The following USP15 variants were observed in gnomAD, a reference collection of about 807,000 sequenced individuals.
USP15 encodes the protein ubiquitin carboxyl-terminal hydrolase 15.
Under a neutral mutation model 127.1 loss-of-function variants are expected in USP15, and 18 were observed. The observed-to-expected ratio is 0.14, with a 90% CI of 0.10 to 0.21. The LOEUF (loss-of-function observed/expected upper bound fraction) is 0.21. USP15 is among the 10% of genes least tolerant of loss of function. The pLI is 1.00. For missense variants in USP15, 805 were observed against 1,159.9 expected (o/e 0.69, Z 4.44); for synonymous variants, 364 against 393.7 (o/e 0.92, Z 0.89).
rs943557237 is a variant in USP15 at position 62,408,791 on chromosome 12, AAT to A, written c.*4423_*4424del. 18 of 152,074 alleles carry A rather than the reference AAT, an allele frequency of 1.2e-4. No individual in the cohort carries two copies. Among genetic ancestry groups the A allele is most frequent in the Non-Finnish European group, 2.6e-4 (18 of 67,998 alleles). The allele number at this position is 152,074 out of a possible 1,614,324, so 9.4% of individuals were successfully genotyped here. A position where few individuals can be genotyped will look rare whatever the true frequency, so the allele number is the denominator to read the frequency against. ...TTTATTATCAGATTTTCTAGTGAGA[AAT>A]ATATATGATGGTTTTTTAATAATCA... On this transcript the variant is annotated 3_prime_UTR_variant, in exon 22 of 22. Coordinates refer to ENST00000280377, the MANE Select transcript of USP15 (RefSeq NM_001252078.2).
At position 62,412,057 on chromosome 12, in the gene USP15, A is replaced by G. The variant is rs920086262; in HGVS notation, c.*7682A>G. On this transcript the variant is annotated 3_prime_UTR_variant, in exon 22 of 22. Coordinates refer to ENST00000280377, the MANE Select transcript of USP15 (RefSeq NM_001252078.2). ...CTGTGGGTACAGGCATGCCTCAGAT[A>G]TTGCAGGTTCGGTTCCCAGCCACCA... is the stretch of plus-strand genomic sequence containing the variant. 3.3e-5 allele frequency: 5 copies of G among 152,186 alleles called. No individual in the cohort carries two copies. Among genetic ancestry groups the G allele is most frequent in the Admixed American group, 6.6e-5 (1 of 15,260 alleles). The allele number at this position is 152,186 out of a possible 1,614,324, so 9.4% of individuals were successfully genotyped here. A position where few individuals can be genotyped will look rare whatever the true frequency, so the allele number is the denominator to read the frequency against.
intron 6 of USP15, among the ~76,000 whole-genome samples, chr12:62,348,151 T>G (rs2065871996): frequency 1.3e-5 from 2 of 152,288 alleles, no homozygotes; most frequent in African/African-American, 4.8e-5. Flanking sequence ...AAGGCTGCAG[T>G]GAGCTGTGAT....
chr12:62,330,593 A>T (rs1451417498), intron 6 of USP15, among the ~76,000 whole-genome samples: 1 of 151,426 alleles, frequency 6.6e-6, no homozygotes, highest in Admixed American at 6.6e-5. Flanking sequence ...CTCAAAAAAA[A>T]AAAAAAAAAT....
chr12:62,271,443 C>T (rs76010465), intron 1 of USP15, among the ~76,000 whole-genome samples: 8 of 151,786 alleles, frequency 5.3e-5, no homozygotes, highest in African/African-American at 1.9e-4. Context: ...TATAGATGCT[C>T]GTTATTATTC....
chr12:62,349,433 C>A, intron 7 of USP15, 126 bp downstream of exon 7: 1 of 504,282 alleles, frequency 2.0e-6, no homozygotes, highest in Non-Finnish European at 3.2e-6. Flanking sequence ...TTTTAAATTA[C>A]CGGTCAGTTC....
At chr12:62,363,085 A>G (rs140974475) in intron 8 of USP15, among the ~76,000 whole-genome samples, 10 of 152,288 alleles carry the variant, frequency 6.6e-5, no homozygotes, top group Non-Finnish European at 5.9e-5. Flanking sequence ...GGGAGAATTT[A>G]GATTTTAATG....
chr12:62,330,743 A>T (rs1210029866), intron 6 of USP15, among the ~76,000 whole-genome samples: 1 of 148,878 alleles, frequency 6.7e-6, no homozygotes, highest in East Asian at 2.0e-4. Flanking sequence ...CAACATAACA[A>T]GACCCCGTCT....
intron 3 of USP15, among the ~76,000 whole-genome samples, chr12:62,310,814 G>A (rs1004009960): frequency 2.0e-5 from 3 of 151,736 alleles, no homozygotes; most frequent in Non-Finnish European, 4.4e-5. Context: ...ACTGTTTTCT[G>A]TAGTGGCTGT....
At chr12:62,325,834 T>C (rs2065107915) in intron 5 of USP15, 38 bp from the exon 6 acceptor site, 1 of 1,543,964 alleles carries the variant, frequency 6.5e-7, no homozygotes, top group African/African-American at 1.4e-5. Flanking sequence ...AACTTCAGAG[T>C]TATGGAAAAA....
At chr12:62,351,488 A>G (rs2065965286) in intron 7 of USP15, among the ~76,000 whole-genome samples, 2 of 151,900 alleles carry the variant, frequency 1.3e-5, no homozygotes, top group South Asian at 4.2e-4. Context: ...GATTTTTAAC[A>G]TTGTATATAG....
chr12:62,376,590 G>A (rs918344590), intron 8 of USP15, among the ~76,000 whole-genome samples: 3 of 152,108 alleles, frequency 2.0e-5, no homozygotes, highest in Non-Finnish European at 4.4e-5. Flanking sequence ...CATGAGACTG[G>A]TAGACATGTC....
chr12:62,355,566 T>C, intron 8 of USP15, 91 bp downstream of exon 8: 1 of 1,372,644 alleles, frequency 7.3e-7, no homozygotes, highest in Non-Finnish European at 9.8e-7. Flanking sequence ...AGAACATGAG[T>C]ATATGTTTTG....
At position 62,415,933 on chromosome 12, in the gene USP15, A is replaced by C. The variant is rs1031002716; in HGVS notation, c.*11558A>C. ...AATGATTGTTCCTTCCTTATGAATG[A>C]GAGCAGCTCTCTGTTCAATACGATT... On this transcript the variant is annotated 3_prime_UTR_variant, in exon 22 of 22. Transcript: ENST00000280377. The C allele has an allele frequency of 6.6e-6, 1 of 152,224 alleles. No individual in the cohort carries two copies. Among genetic ancestry groups the C allele is most frequent in the African/African-American group, 2.4e-5 (1 of 41,468 alleles). The allele number at this position is 152,224 out of a possible 1,614,324, so 9.4% of individuals were successfully genotyped here. A position where few individuals can be genotyped will look rare whatever the true frequency, so the allele number is the denominator to read the frequency against.
intron 2 of USP15, among the ~76,000 whole-genome samples, chr12:62,295,980 T>C (rs921205422): frequency 6.6e-6 from 1 of 151,330 alleles, no homozygotes; most frequent in African/African-American, 2.4e-5. Context: ...ACACATACCC[T>C]TTAAAAACAG....
chr12:62,265,460 A>G (rs2063169748), intron 1 of USP15, among the ~76,000 whole-genome samples: 1 of 152,228 alleles, frequency 6.6e-6, no homozygotes, highest in South Asian at 2.1e-4. Flanking sequence ...GTTTTCACAT[A>G]GTGGTATAGC....
At chr12:62,291,358 T>C (rs2063962964) in intron 1 of USP15, among the ~76,000 whole-genome samples, 1 of 152,248 alleles carries the variant, frequency 6.6e-6, no homozygotes, top group South Asian at 2.1e-4. Context: ...AGCTTTCATC[T>C]GTATTTTGTA....
chr12:62,370,938 G>A (rs2137524514), intron 8 of USP15, among the ~76,000 whole-genome samples: 1 of 152,232 alleles, frequency 6.6e-6, no homozygotes, highest in East Asian at 1.9e-4. Flanking sequence ...CTTATCCCAA[G>A]TCCTGTTCAT....
intron 2 of USP15, among the ~76,000 whole-genome samples, chr12:62,302,244 A>G (rs1022371897): frequency 1.3e-5 from 2 of 152,162 alleles, no homozygotes; most frequent in African/African-American, 4.8e-5. Flanking sequence ...TGAATTTCCT[A>G]CAAAAGCTGA....
At chr12:62,338,595 T>C (rs954350893) in intron 6 of USP15, among the ~76,000 whole-genome samples, 21 of 152,170 alleles carry the variant, frequency 1.4e-4, no homozygotes, top group Non-Finnish European at 5.9e-5. Flanking sequence ...TCTTCTAGGT[T>C]TTTATGGTTT....
Sources: allele counts gnomAD v4.1 joint callset (sites outside exome capture counted in the v4.1 genomes callset), GRCh38; gene constraint gnomAD v4.1.1; transcripts MANE v1.5; gene names NCBI Gene and HGNC (gene_info 2026-07-23, HGNC 2026-07-21).